SNTG1: variants seen among roughly 807,000 people sequenced by gnomAD.
The protein encoded by SNTG1 is gamma-1-syntrophin.
A neutral mutation model predicts 74.7 loss-of-function variants in SNTG1; 39 were observed. That is an observed-to-expected ratio of 0.52 (90% CI 0.40 to 0.68). The LOEUF (loss-of-function observed/expected upper bound fraction) is 0.68. Ranked by LOEUF, SNTG1 falls within the 30% of genes least tolerant of loss-of-function variation. The pLI is 0.00. For missense variants in SNTG1, 685 were observed against 609.5 expected (o/e 1.12, Z -1.30); for synonymous variants, 254 against 217.1 (o/e 1.17, Z -1.49).
At chr8:50,395,425 C>T (rs1221178616) in intron 3 of SNTG1, among the ~76,000 whole-genome samples, 1 of 150,958 alleles carries the variant, frequency 6.6e-6, no homozygotes, top group Non-Finnish European at 1.5e-5. Flanking sequence ...TTTAACTTAG[C>T]ACTTATTGGT....
At chr8:50,657,661 C>T (rs117017955) in intron 14 of SNTG1, among the ~76,000 whole-genome samples, 2 of 152,032 alleles carry the variant, frequency 1.3e-5, no homozygotes, top group African/African-American at 2.4e-5. Flanking sequence ...AGGATTCTAT[C>T]CTTGGCAAAC....
intron 2 of SNTG1, among the ~76,000 whole-genome samples, chr8:50,199,560 C>A (rs772420500): frequency 6.6e-6 from 1 of 152,058 alleles, no homozygotes; most frequent in African/African-American, 2.4e-5. Context: ...AATCAACCAA[C>A]GTGGAGTTGA....
At chr8:50,353,461 T>A (rs996439626) in intron 2 of SNTG1, among the ~76,000 whole-genome samples, 2 of 152,148 alleles carry the variant, frequency 1.3e-5, no homozygotes, top group Admixed American at 1.3e-4. Flanking sequence ...GCATTGCAAA[T>A]GTGCAGGAAT....
chr8:50,517,460 TG>T (rs924652532), intron 9 of SNTG1, among the ~76,000 whole-genome samples: 3 of 152,008 alleles, frequency 2.0e-5, no homozygotes, highest in African/African-American at 7.2e-5. Flanking sequence ...TAAATGTAAA[TG>T]GGCTAAATGC....
intron 13 of SNTG1, among the ~76,000 whole-genome samples, chr8:50,630,591 T>C (rs912160834): frequency 3.3e-5 from 5 of 152,282 alleles, no homozygotes; most frequent in African/African-American, 1.2e-4. Flanking sequence ...TATATATAAA[T>C]ACTACAGAAA....
At chr8:50,217,029 T>A (rs1327132684) in intron 2 of SNTG1, among the ~76,000 whole-genome samples, 1 of 151,342 alleles carries the variant, frequency 6.6e-6, no homozygotes, top group Admixed American at 6.6e-5. Flanking sequence ...ATTTATAAGT[T>A]TATTAGTATT....
intron 13 of SNTG1, among the ~76,000 whole-genome samples, chr8:50,606,299 G>T (rs1186294727): frequency 6.6e-6 from 1 of 152,024 alleles, no homozygotes; most frequent in Non-Finnish European, 1.5e-5. Context: ...AGATAGGTTA[G>T]CTCTCTACCT....
At chr8:50,616,556 G>T (rs1432515459) in intron 13 of SNTG1, among the ~76,000 whole-genome samples, 2 of 152,202 alleles carry the variant, frequency 1.3e-5, no homozygotes, top group African/African-American at 4.8e-5. Context: ...GAGCAGGCAG[G>T]AAGCCACAGG....
intron 1 of SNTG1, among the ~76,000 whole-genome samples, chr8:49,946,843 A>C (rs1809235616): frequency 6.6e-6 from 1 of 152,224 alleles, no homozygotes; most frequent in Non-Finnish European, 1.5e-5. Context: ...GTTGGATTCA[A>C]ATTCCACTTC....
chr8:49,963,175 C>T (rs1398565857), intron 1 of SNTG1, among the ~76,000 whole-genome samples: 1 of 152,146 alleles, frequency 6.6e-6, no homozygotes, highest in East Asian at 1.9e-4. Context: ...TTAGAAAACC[C>T]TCTTCATCCT....
In SNTG1 at chr8:50,504,635, T is replaced by C. The variant is rs77371839; in HGVS notation, c.466+1755T>C. On this transcript the variant is annotated intron_variant, in intron 9 of 18. Transcript: ENST00000642720. The stretch of plus-strand genomic sequence containing the variant: ...GGCAAAATGCCATCTCTACCAAAAA[T>C]ACAAAAAAACCCCAAAATAGCCAGG... Among the ~76,000 whole-genome samples, 1,143 of 151,828 alleles carry C rather than the reference T, an allele frequency of 7.5e-3. 10 individuals are homozygous for C. Among genetic ancestry groups the C allele is most frequent in the African/African-American group, 0.026 (1,089 of 41,348 alleles).
At chr8:50,535,154 A>G (rs2094298349) in intron 10 of SNTG1, among the ~76,000 whole-genome samples, 1 of 152,170 alleles carries the variant, frequency 6.6e-6, no homozygotes. Flanking sequence ...GAAATTTTTT[A>G]TTTGTTGCTA....
intron 1 of SNTG1, among the ~76,000 whole-genome samples, chr8:50,148,483 A>G (rs1440652417): frequency 6.6e-6 from 1 of 152,144 alleles, no homozygotes. Flanking sequence ...ATGTATACAT[A>G]TGCCATGTTG....
chr8:50,691,611 G>A (rs1435358787), intron 15 of SNTG1, among the ~76,000 whole-genome samples: 1 of 152,196 alleles, frequency 6.6e-6, no homozygotes, highest in Non-Finnish European at 1.5e-5. Flanking sequence ...TTTCTGCCGA[G>A]AGATCAGCTG....
chr8:50,594,934 T>TGG (rs2130895771), intron 13 of SNTG1, among the ~76,000 whole-genome samples: 1 of 151,868 alleles, frequency 6.6e-6, no homozygotes, highest in East Asian at 1.9e-4. Context: ...GGCAATATGT[T>TGG]GGCTTACATA....
intron 2 of SNTG1, among the ~76,000 whole-genome samples, chr8:50,256,475 T>C (rs556049860): frequency 1.6e-4 from 24 of 152,136 alleles, no homozygotes; most frequent in African/African-American, 4.3e-4. Context: ...TTAACTAATA[T>C]GTTCTAAAAC....
At chr8:50,053,231 G>A (rs1272640677) in intron 1 of SNTG1, among the ~76,000 whole-genome samples, 1 of 152,040 alleles carries the variant, frequency 6.6e-6, no homozygotes, top group Non-Finnish European at 1.5e-5. Context: ...CTTTTACAAG[G>A]GAATAGTCTT....
chr8:50,669,841 C>A (rs1367148024), intron 15 of SNTG1, among the ~76,000 whole-genome samples: 4 of 152,074 alleles, frequency 2.6e-5, no homozygotes, highest in Admixed American at 6.6e-5. Flanking sequence ...AGCTTATCCA[C>A]CATGATCAAG....
intron 2 of SNTG1, among the ~76,000 whole-genome samples, chr8:50,183,355 A>G (rs567612714): frequency 6.6e-6 from 1 of 152,270 alleles, no homozygotes; most frequent in African/African-American, 2.4e-5. Flanking sequence ...ATTTGTCTGC[A>G]GGTGCCCATT....
Sources: allele counts gnomAD v4.1 joint callset (sites outside exome capture counted in the v4.1 genomes callset), GRCh38; gene constraint gnomAD v4.1.1; transcripts MANE v1.5; gene names NCBI Gene and HGNC (gene_info 2026-07-23, HGNC 2026-07-21).